Variants in UBN1 observed in about 807,000 individuals in gnomAD.
The protein encoded by UBN1 is ubinuclein 1, also known as ubinuclein-1.
UBN1 carries 17 observed loss-of-function variants against 108.5 expected under a neutral mutation model. The ratio of observed to expected loss-of-function variants is 0.16; its 90% CI spans 0.11 to 0.24. The LOEUF (loss-of-function observed/expected upper bound fraction) is 0.24. Ranked by LOEUF, UBN1 falls within the 10% of genes least tolerant of loss-of-function variation. The probability of loss-of-function intolerance (pLI) is 1.00; values close to 1 mark genes in which losing one functional copy is unlikely to be tolerated. For missense variants in UBN1, 1,595 were observed against 1,394.4 expected, an observed-to-expected ratio of 1.14 and a Z score of -2.29; for synonymous variants, 726 against 564.2, an observed-to-expected ratio of 1.29 and a Z score of -4.07.
chr16:4,869,363 A>G (rs1045268233), intron 8 of UBN1, among the ~76,000 whole-genome samples: 1 of 152,198 alleles, frequency 6.6e-6, no homozygotes, highest in Non-Finnish European at 1.5e-5. Flanking sequence ...CATCATCCCT[A>G]ATGCTGTTCC....
chr16:4,871,129 G>A (rs1412869883), intron 11 of UBN1, 26 bp from the exon 12 acceptor site: 1 of 1,613,176 alleles, frequency 6.2e-7, no homozygotes, highest in South Asian at 1.1e-5. Context: ...GTAGTTTGGA[G>A]TTTCTGATTT....
intron 7 of UBN1, among the ~76,000 whole-genome samples, chr16:4,862,917 A>C (rs545709865): frequency 6.6e-6 from 1 of 152,238 alleles, no homozygotes; most frequent in African/African-American, 2.4e-5. Flanking sequence ...CCCATAGTCA[A>C]GGTGGGCCTG....
At chr16:4,858,201 A>G (rs2142154555) in intron 3 of UBN1, 125 bp downstream of exon 3, 2 of 734,048 alleles carry the variant, frequency 2.7e-6, no homozygotes, top group Non-Finnish European at 4.6e-6. Context: ...GCATGGAGAG[A>G]AGAGAAGCAG....
Position 4,880,302 on chromosome 16 carries a change from G to T in UBN1, c.*170G>T. On this transcript the variant is annotated 3_prime_UTR_variant, in exon 18 of 18. Coordinates refer to ENST00000262376, the MANE Select transcript of UBN1 (RefSeq NM_001079514.3). ...TTCTGATGTGCCTCCCATGGAGGGA[G>T]CCGGGCCCTTGCTGCTCAGGAGGTG... is the stretch of plus-strand genomic sequence containing the variant. The T allele has an allele frequency of 1.4e-6, 1 of 717,676 alleles. No homozygotes were observed. Among genetic ancestry groups the T allele is most frequent in the East Asian group, 2.8e-5 (1 of 36,128 alleles). 44.5% of individuals were successfully genotyped at this position (717,676 alleles called of 1,614,324 possible). A position where few individuals can be genotyped will look rare whatever the true frequency, so the allele number is the denominator to read the frequency against.
At chr16:4,848,353 T>A (rs1596460192) in intron 1 of UBN1, 143 bp downstream of exon 1, 1 of 152,404 alleles carries the variant, frequency 6.6e-6, no homozygotes, top group African/African-American at 2.4e-5. Context: ...AAGTGTTAAC[T>A]GCAGTTGAGC....
In UBN1 at chr16:4,875,100, C is replaced by T. The variant is rs1031985543; in HGVS notation, c.2690C>T (p.Ser897Leu). 1 of 1,614,186 alleles carries T rather than the reference C, an allele frequency of 6.2e-7. No individual in the cohort carries two copies. Among genetic ancestry groups the T allele is most frequent in the East Asian group, 2.2e-5 (1 of 44,892 alleles). ...CCACATTCAGTCAGCTCTGCAGGCT[C>T]ATCTTACAAGAATAATCCCTTTGCC... ...AKPHSVSSAG[S>L]SYKNNPFASS... The change falls in exon 15 of 18, where the codon TCA (serine) becomes TTA (leucine). Residue 897 changes from serine to leucine, a missense_variant. Ser to Leu is a moderately radical substitution (Grantham distance 145). This residue lies in a region of UBN1 where 1,398 missense variants were observed against 1,194.7 expected (regional missense o/e 1.17). Transcript: ENST00000262376.
rs1035564674 is a variant in UBN1, at chr16:4,876,766, C to T, written c.3025-105C>T. 21 of 1,496,448 alleles carry T rather than the reference C, an allele frequency of 1.4e-5. No homozygotes were observed. In the East Asian group the frequency reaches 4.4e-4, roughly 31 times the overall value. The allele number at this position is 1,496,448 out of a possible 1,614,324, so 92.7% of individuals were successfully genotyped here. ...GCCATCTGACATGGATGTGTATGTC[C>T]TCCTTTGTGGACACACAAGGAGGAT... On this transcript the variant is annotated intron_variant, in intron 15 of 17. Transcript: ENST00000262376.
chr16:4,868,724 T>A, intron 7 of UBN1, 109 bp from the exon 8 acceptor site: 1 of 995,452 alleles, frequency 1.0e-6, no homozygotes. Flanking sequence ...GCGGTGTGAC[T>A]GTATTGACAG....
intron 2 of UBN1, 110 bp downstream of exon 2, chr16:4,853,276 C>T: frequency 7.0e-7 from 1 of 1,433,614 alleles, no homozygotes; most frequent in Non-Finnish European, 9.3e-7. Flanking sequence ...TTTTGGCTGC[C>T]CCAAGATCCT....
intron 17 of UBN1, among the ~76,000 whole-genome samples, chr16:4,879,488 AAAAG>A (rs1332669815): frequency 6.6e-6 from 1 of 151,540 alleles, no homozygotes; most frequent in African/African-American, 2.4e-5. Context: ...AGTTCGAGGA[AAAAG>A]AAAATCAATC....
chr16:4,855,693 C>A (rs1015372700), intron 2 of UBN1, among the ~76,000 whole-genome samples: 1 of 150,696 alleles, frequency 6.6e-6, no homozygotes, highest in South Asian at 2.1e-4. Context: ...CCGAGGCAGG[C>A]GGATCACTTG....
At chr16:4,861,184 C>G (rs931157893) in intron 7 of UBN1, 82 bp downstream of exon 7, 2 of 1,434,008 alleles carry the variant, frequency 1.4e-6, no homozygotes, top group Admixed American at 2.4e-5. Flanking sequence ...TGAAGCTTGC[C>G]CAGAGAAACT....
In UBN1 at chr16:4,877,907, A is replaced by T. The variant is rs1380783308; in HGVS notation, c.3355+433A>T. On this transcript the variant is annotated intron_variant, in intron 17 of 17. Transcript: ENST00000262376. The surrounding 1 kb of genome is among the most constrained non-coding windows in gnomAD (Gnocchi z 4.3). ...CCACTGTCAGATGTGATTGCTTAAC[A>T]GAAGGCTCTCTAAACTTTGTTTCCA... is the stretch of plus-strand genomic sequence containing the variant. The T allele has an allele frequency of 2.2e-6, 2 of 889,438 alleles. No homozygotes were observed. The highest frequency in any genetic ancestry group is 2.7e-6 in the Non-Finnish European group (2 of 742,040). The allele number at this position is 889,438 out of a possible 1,614,324, so 55.1% of individuals were successfully genotyped here. A position where few individuals can be genotyped will look rare whatever the true frequency, so the allele number is the denominator to read the frequency against.
Position 4,880,356 on chromosome 16 carries a change from GCT to G in UBN1, c.*227_*228del. The G allele has an allele frequency of 1.9e-6, 1 of 538,178 alleles. No individual in the cohort carries two copies. The highest frequency in any genetic ancestry group is 3.0e-5 in the East Asian group (1 of 33,340). The allele number at this position is 538,178 out of a possible 1,614,324, so 33.3% of individuals were successfully genotyped here. A position where few individuals can be genotyped will look rare whatever the true frequency, so the allele number is the denominator to read the frequency against. ...ACTGCCCCGTGCTCTGGGCCTTGCA[GCT>G]CTGTCGCTAGACGGTTGTTAGAGGG... On this transcript the variant is annotated 3_prime_UTR_variant, in exon 18 of 18. Transcript: ENST00000262376.
chr16:4,875,426 T>C lies in UBN1; in HGVS notation c.3016T>C (p.Ser1006Pro), dbSNP rs2087832446. The change falls in exon 15 of 18, where the codon TCC becomes CCC. Residue 1006 changes from serine to proline, a missense_variant. Physicochemically the swap from Ser to Pro is moderately conservative, Grantham distance 74 (BLOSUM62 -1). Transcript: ENST00000262376. ...AGTTAGTAGTGTGACATCGTCTACC[T>C]CCTTGTCAGTGAGTATCTGTCATAG... ...SAVSSVTSST[S>P]LSKGASGTVL... 1.2e-6 allele frequency: 2 copies of C among 1,608,218 alleles called. No individual in the cohort carries two copies. Among genetic ancestry groups the C allele is most frequent in the Admixed American group, 3.3e-5 (2 of 59,840 alleles).
At chr16:4,870,663 A>G (rs1423789124) in intron 10 of UBN1, 29 bp downstream of exon 10, 3 of 1,612,390 alleles carry the variant, frequency 1.9e-6, no homozygotes, top group Non-Finnish European at 2.5e-6. Context: ...TTGCAGGTGC[A>G]ACCCTCCCGT....
At position 4,881,442 on chromosome 16, in the gene UBN1, T is replaced by C. The variant is rs1051954499; in HGVS notation, c.*1310T>C. ...GATTTGAGGGCACTTGCCTGTCTTGTGAGGTCTGTGCCACAAGGTGAGTCT... is the reference window on the plus strand; with the variant it reads ...GATTTGAGGGCACTTGCCTGTCTTGCGAGGTCTGTGCCACAAGGTGAGTCT... On this transcript the variant is annotated 3_prime_UTR_variant, in exon 18 of 18. Transcript: ENST00000262376. 3 of 151,482 alleles carry C rather than the reference T, an allele frequency of 2.0e-5. No individual in the cohort carries two copies. Among genetic ancestry groups the C allele is most frequent in the African/African-American group, 7.2e-5 (3 of 41,416 alleles). The allele number at this position is 151,482 out of a possible 1,614,324, so 9.4% of individuals were successfully genotyped here.
Position 4,871,284 on chromosome 16 carries a change from AG to A in UBN1, c.1691del (p.Gly564AlafsTer19). 6.2e-7 allele frequency: 1 copy of A among 1,614,160 alleles called. No individual in the cohort carries two copies. The highest frequency in any genetic ancestry group is 8.5e-7 in the Non-Finnish European group (1 of 1,180,026). ...CGGAAGTCAAGCCCCTCTGGCCCAA[AG>A]GCTGGATGCAGGCCAGGTGAGGGCC... ...DAEVKPLWPK[G>X]WMQARTLFKE... On this transcript the variant is annotated frameshift_variant, in exon 12 of 18. Transcript: ENST00000262376. LOFTEE classifies it high-confidence loss of function.
At chr16:4,872,341 C>G (rs1013108737) in intron 12 of UBN1, 68 of 985,170 alleles carry the variant, frequency 6.9e-5, no homozygotes, top group Non-Finnish European at 7.8e-5. Flanking sequence ...TGAGGCAGAG[C>G]CATACATTTT....
Sources: allele counts gnomAD v4.1 joint callset (sites outside exome capture counted in the v4.1 genomes callset), GRCh38; gene constraint gnomAD v4.1.1; regional missense constraint gnomAD v4.1.1; non-coding constraint Gnocchi (gnomAD v3.1); transcripts MANE v1.5; gene names NCBI Gene and HGNC (gene_info 2026-07-23, HGNC 2026-07-21).